INSL6: variants seen among roughly 807,000 people sequenced by gnomAD.
INSL6 encodes the protein insulin like 6, also known as insulin-like peptide INSL6.
In INSL6, 16 loss-of-function variants were observed where a neutral mutation model predicts 9.4. The ratio of observed to expected loss-of-function variants is 1.70; its 90% confidence interval spans 1.15 to 2.59. The LOEUF is 2.59. Ranked by LOEUF, INSL6 falls within the 30% of genes most tolerant of loss-of-function variation. INSL6 has a pLI of 0.00. For synonymous variants in INSL6, 154 were observed against 96.9 expected, an observed-to-expected ratio of 1.59 and a Z score of -3.46; for missense variants, 391 against 257.3, an observed-to-expected ratio of 1.52 and a Z score of -3.56.
At chr9:5,054,740 C>T in the INSL6 span, 5 of 1,613,282 alleles carry the variant, frequency 3.1e-6, no homozygotes, top group Non-Finnish European at 4.2e-6. The surrounding 1 kb of genome is among the most constrained non-coding windows in gnomAD (Gnocchi z 4.9). Flanking sequence ...TGCAGTCTGC[C>T]TTCTACACAG....
At chr9:5,177,223 G>C (rs770811471) in intron 1 of INSL6, among the ~76,000 whole-genome samples, 1 of 152,178 alleles carries the variant, frequency 6.6e-6, no homozygotes, top group Non-Finnish European at 1.5e-5. Flanking sequence ...ACTTGATCCA[G>C]AGAGAAAGAA....
the INSL6 span, chr9:5,077,563 TG>T: frequency 6.7e-7 from 1 of 1,491,112 alleles, no homozygotes; most frequent in Non-Finnish European, 8.9e-7. Context: ...ACAGTTGGCA[TG>T]GGCCATGCAT....
the INSL6 span, among the ~76,000 whole-genome samples, chr9:5,047,151 AAT>A: frequency 4.5e-4 from 68 of 152,316 alleles, no homozygotes; most frequent in Non-Finnish European, 1.9e-4. Flanking sequence ...GTGCCCAGAA[AAT>A]ATGATAGTAT....
At chr9:5,154,504 A>C (rs1437956600) in intron 2 of INSL6, among the ~76,000 whole-genome samples, 1 of 152,230 alleles carries the variant, frequency 6.6e-6, no homozygotes, top group African/African-American at 2.4e-5. Flanking sequence ...GCTTCTGCAC[A>C]GCAAAAGAAA....
At chr9:5,059,236 C>T in the INSL6 span, among the ~76,000 whole-genome samples, 1 of 152,158 alleles carries the variant, frequency 6.6e-6, no homozygotes, top group Non-Finnish European at 1.5e-5. Context: ...ATATTCACCT[C>T]CACCCCTAAC....
At chr9:5,042,860 C>T in the INSL6 span, among the ~76,000 whole-genome samples, 1 of 152,222 alleles carries the variant, frequency 6.6e-6, no homozygotes, top group Non-Finnish European at 1.5e-5. Flanking sequence ...AAAGCTCGGT[C>T]GCCACAGGCA....
At chr9:5,007,831 A>G in the INSL6 span, among the ~76,000 whole-genome samples, 1 of 151,810 alleles carries the variant, frequency 6.6e-6, no homozygotes, top group African/African-American at 2.4e-5. Context: ...AGGTTCAAGC[A>G]ATTCTCCTAT....
the INSL6 span, chr9:5,065,034 C>T: frequency 6.3e-7 from 1 of 1,578,276 alleles, no homozygotes; most frequent in Non-Finnish European, 8.6e-7. Flanking sequence ...TGTCATGGCC[C>T]AATTTCGTGA....
the INSL6 span, chr9:5,054,661 A>G: frequency 1.9e-6 from 3 of 1,613,362 alleles, no homozygotes; most frequent in Non-Finnish European, 2.5e-6. This position sits in a 1 kb window ranked among gnomAD's most constrained non-coding sequence, Gnocchi z 4.9. Flanking sequence ...AGATTTATTC[A>G]GCAATTCAGC....
the INSL6 span, among the ~76,000 whole-genome samples, chr9:4,997,787 T>C: frequency 1.2e-4 from 18 of 152,354 alleles, 1 homozygote; most frequent in East Asian, 1.7e-3. Context: ...TAGTGCATGA[T>C]AGTATAAGTC....
the INSL6 span, among the ~76,000 whole-genome samples, chr9:4,997,878 T>C: frequency 6.6e-6 from 1 of 152,348 alleles, no homozygotes; most frequent in East Asian, 1.9e-4. Context: ...TCCATGTTTA[T>C]GTATTTCTTA....
At chr9:5,173,467 G>C (rs1253914247) in intron 1 of INSL6, among the ~76,000 whole-genome samples, 2 of 152,162 alleles carry the variant, frequency 1.3e-5, no homozygotes, top group Non-Finnish European at 2.9e-5. Flanking sequence ...CAGGGAAATG[G>C]ATGGAGCTGG....
At chr9:5,009,385 G>T in the INSL6 span, among the ~76,000 whole-genome samples, 2 of 152,112 alleles carry the variant, frequency 1.3e-5, no homozygotes, top group African/African-American at 4.8e-5. Context: ...CCAGGATAGA[G>T]CAGCACAGGA....
At chr9:5,072,650 C>T in the INSL6 span, 3 of 1,539,792 alleles carry the variant, frequency 1.9e-6, no homozygotes, top group South Asian at 3.8e-5. Flanking sequence ...TTATATTGTT[C>T]ATGTAGTTTA....
At chr9:4,996,251 C>G in the INSL6 span, among the ~76,000 whole-genome samples, 1 of 152,080 alleles carries the variant, frequency 6.6e-6, no homozygotes. Context: ...GAGTTCACCA[C>G]CAGCCTGACT....
the INSL6 span, chr9:5,078,491 G>C: frequency 6.7e-7 from 1 of 1,493,412 alleles, no homozygotes; most frequent in Non-Finnish European, 9.2e-7. Flanking sequence ...CTTTACTTGG[G>C]CAGTGGTGTA....
At chr9:5,056,463 A>G in the INSL6 span, among the ~76,000 whole-genome samples, 1 of 152,216 alleles carries the variant, frequency 6.6e-6, no homozygotes, top group South Asian at 2.1e-4. Flanking sequence ...AAGTATTTAT[A>G]TGGCTTACCT....
the INSL6 span, chr9:5,041,632 T>C: frequency 2.0e-6 from 1 of 501,148 alleles, no homozygotes; most frequent in Non-Finnish European, 4.0e-6. Flanking sequence ...CGCCTGGACT[T>C]TGAGAAGCTC....
intron 2 of INSL6, among the ~76,000 whole-genome samples, chr9:5,145,672 T>C (rs940223747): frequency 1.3e-5 from 2 of 152,210 alleles, no homozygotes; most frequent in African/African-American, 4.8e-5. Context: ...CTCTTTTTTC[T>C]CTATTCTTGT....
Sources: allele counts gnomAD v4.1 joint callset (sites outside exome capture counted in the v4.1 genomes callset), GRCh38; gene constraint gnomAD v4.1.1; non-coding constraint Gnocchi (gnomAD v3.1); transcripts MANE v1.5; gene names NCBI Gene and HGNC (gene_info 2026-07-23, HGNC 2026-07-21).